Variants in BTG4 observed in about 807,000 individuals in gnomAD.
The protein encoded by BTG4 is protein BTG4.
BTG4 carries 10 observed loss-of-function variants against 19.3 expected under a neutral mutation model. That is an observed-to-expected ratio of 0.52 (90% CI 0.32 to 0.88). BTG4 has a LOEUF of 0.88. Ranked by LOEUF, BTG4 falls within the 40% of genes least tolerant of loss-of-function variation. The pLI, the probability that BTG4 is intolerant of heterozygous loss-of-function variation, is 0.04. For missense variants in BTG4, 238 were observed against 281.9 expected (o/e 0.84, Z 1.11); for synonymous variants, 91 against 95.7 (o/e 0.95, Z 0.29).
At chr11:111,512,447 G>A (rs1867019430), upstream of BTG4, 3 of 145,192 alleles carry the variant, frequency 2.1e-5, no homozygotes, top group Non-Finnish European at 4.6e-5. Flanking sequence ...CTCGGCCCGC[G>A]GGGTTCCAAG....
At chr11:111,505,403 G>C (rs1866378579) in intron 1 of BTG4, among the ~76,000 whole-genome samples, 1 of 152,034 alleles carries the variant, frequency 6.6e-6, no homozygotes, top group Non-Finnish European at 1.5e-5. Flanking sequence ...AATGATGCTG[G>C]AAAAACTGGC....
chr11:111,495,914 A>G (rs912870019), intron 4 of BTG4, among the ~76,000 whole-genome samples: 2 of 152,180 alleles, frequency 1.3e-5, no homozygotes, highest in Non-Finnish European at 2.9e-5. Flanking sequence ...AAGACTGAGG[A>G]AAAAAATGGC....
chr11:111,398,520 C>G, the BTG4 span, among the ~76,000 whole-genome samples: 1 of 152,156 alleles, frequency 6.6e-6, no homozygotes, highest in East Asian at 1.9e-4. Flanking sequence ...GTGGCTCAAT[C>G]TCGGCTCACT....
At chr11:111,514,706 T>C, upstream of BTG4, 1 of 1,081,932 alleles carries the variant, frequency 9.2e-7, no homozygotes, top group Admixed American at 2.6e-5. Flanking sequence ...TGGTACCAAC[T>C]TGGCGGTTCT....
chr11:111,433,475 A>G, the BTG4 span, among the ~76,000 whole-genome samples: 1 of 152,248 alleles, frequency 6.6e-6, no homozygotes, highest in South Asian at 2.1e-4. Flanking sequence ...AGGCAACACC[A>G]TTCAGGACAT....
At chr11:111,459,522 C>G in the BTG4 span, 17,999 of 152,504 alleles carry the variant, frequency 0.12, 1,185 homozygotes, top group South Asian at 0.2. Context: ...TGCAGGGAAG[C>G]CTCTCTGGTC....
At chr11:111,435,708 G>A in the BTG4 span, among the ~76,000 whole-genome samples, 1 of 152,176 alleles carries the variant, frequency 6.6e-6, no homozygotes, top group Non-Finnish European at 1.5e-5. Flanking sequence ...CCCAAGGGGA[G>A]CAGAGATGTT....
chr11:111,424,599 T>C, the BTG4 span, among the ~76,000 whole-genome samples: 1 of 152,220 alleles, frequency 6.6e-6, no homozygotes, highest in Non-Finnish European at 1.5e-5. Context: ...TAAGGTTATG[T>C]GGTTATTAAT....
At chr11:111,414,037 A>G in the BTG4 span, among the ~76,000 whole-genome samples, 2 of 152,162 alleles carry the variant, frequency 1.3e-5, no homozygotes, top group Non-Finnish European at 2.9e-5. Flanking sequence ...GCGAAATGTC[A>G]GTGTAGGAGC....
chr11:111,468,661 C>T (rs1055165930), intron 5 of BTG4, among the ~76,000 whole-genome samples: 5 of 152,088 alleles, frequency 3.3e-5, no homozygotes, highest in African/African-American at 7.2e-5. Flanking sequence ...GCAAGAGAGG[C>T]GATTTGAAAA....
chr11:111,478,315 G>A (rs188761407), intron 5 of BTG4, among the ~76,000 whole-genome samples: 6 of 152,206 alleles, frequency 3.9e-5, no homozygotes, highest in East Asian at 1.9e-4. Flanking sequence ...AGGGAAACCC[G>A]GACTTTTACT....
intron 5 of BTG4, among the ~76,000 whole-genome samples, chr11:111,486,772 A>G (rs1041679870): frequency 5.9e-5 from 9 of 152,212 alleles, no homozygotes; most frequent in Non-Finnish European, 1.0e-4. Context: ...TCACATTAAG[A>G]GAATCAAAGA....
intron 3 of BTG4, 134 bp downstream of exon 3, chr11:111,497,864 C>T: frequency 9.9e-7 from 1 of 1,006,226 alleles, no homozygotes; most frequent in Non-Finnish European, 1.4e-6. Context: ...AAGTTTGCAT[C>T]TAAAATCTTA....
intron 1 of BTG4, among the ~76,000 whole-genome samples, chr11:111,505,042 C>G (rs935958585): frequency 2.0e-5 from 3 of 151,916 alleles, no homozygotes; most frequent in Non-Finnish European, 4.4e-5. Flanking sequence ...AACCATATTA[C>G]CCAAGCAATC....
chr11:111,415,755 TGGA>T, the BTG4 span, among the ~76,000 whole-genome samples: 2 of 152,118 alleles, frequency 1.3e-5, no homozygotes, highest in Middle Eastern at 3.4e-3. Flanking sequence ...AGAAATACAG[TGGA>T]GGTCAGGTGC....
At chr11:111,390,509 G>C in the BTG4 span, among the ~76,000 whole-genome samples, 4 of 152,116 alleles carry the variant, frequency 2.6e-5, no homozygotes, top group Non-Finnish European at 5.9e-5. Flanking sequence ...CCAGCTAAGG[G>C]ATAAAGATAA....
the BTG4 span, chr11:111,451,178 G>C: frequency 3.6e-6 from 1 of 277,992 alleles, no homozygotes; most frequent in Non-Finnish European, 7.6e-6. Context: ...GGAGGCCCTA[G>C]AGAGGAAATG....
At chr11:111,480,912 C>A (rs1864702965) in intron 5 of BTG4, among the ~76,000 whole-genome samples, 2 of 150,346 alleles carry the variant, frequency 1.3e-5, no homozygotes, top group Admixed American at 1.3e-4. Flanking sequence ...AAAATAAACC[C>A]AAAGCAAGCA....
chr11:111,429,560 C>T, the BTG4 span, among the ~76,000 whole-genome samples: 1 of 152,092 alleles, frequency 6.6e-6, no homozygotes, highest in African/African-American at 2.4e-5. Context: ...ATAAGGTATC[C>T]CTGGACTTGT....
Sources: allele counts gnomAD v4.1 joint callset (sites outside exome capture counted in the v4.1 genomes callset), GRCh38; gene constraint gnomAD v4.1.1; transcripts MANE v1.5; gene names NCBI Gene and HGNC (gene_info 2026-07-23, HGNC 2026-07-21).